WDR49: variants seen among roughly 807,000 people sequenced by gnomAD.
WDR49 encodes the protein cilia- and flagella-associated protein 337.
Under a neutral mutation model 119.5 loss-of-function variants are expected in WDR49, and 107 were observed. The observed-to-expected ratio is 0.90, with a 90% CI of 0.77 to 1.05. The LOEUF is 1.05. WDR49 is among the 50% of genes least tolerant of loss of function. The probability of loss-of-function intolerance (pLI) is 0.00; values close to 1 mark genes in which losing one functional copy is unlikely to be tolerated. For missense variants in WDR49, 1,240 were observed against 1,220.5 expected, an observed-to-expected ratio of 1.02 and a Z score of -0.24; for synonymous variants, 425 against 418.8, an observed-to-expected ratio of 1.01 and a Z score of -0.18.
At chr3:167,610,731 C>T (rs896250170) in intron 5 of WDR49, among the ~76,000 whole-genome samples, 1 of 152,150 alleles carries the variant, frequency 6.6e-6, no homozygotes, top group African/African-American at 2.4e-5. Flanking sequence ...AGGTCTTGAG[C>T]GAGACCCAGT....
intron 7 of WDR49, among the ~76,000 whole-genome samples, chr3:167,588,439 A>G (rs76924633): frequency 0.026 from 3,959 of 152,264 alleles, 164 homozygotes; most frequent in East Asian, 0.17. Flanking sequence ...TATACGATAT[A>G]CTGATTTCTT....
intron 8 of WDR49, among the ~76,000 whole-genome samples, chr3:167,574,255 C>T (rs572136647): frequency 1.3e-5 from 2 of 152,318 alleles, no homozygotes; most frequent in African/African-American, 4.8e-5. Flanking sequence ...ATCTCTAATT[C>T]TTCATTCTTG....
At chr3:167,500,361 T>C in intron 17 of WDR49, 62 bp from the exon 18 acceptor site, 1 of 1,564,072 alleles carries the variant, frequency 6.4e-7, no homozygotes. Flanking sequence ...CATTAACTCC[T>C]TGGAAAGAGC....
rs1577217846 is a variant in WDR49 at position 167,526,044 on chromosome 3, G to A, written c.2604+1776C>T. 1.3e-5 allele frequency among the ~76,000 whole-genome samples: 2 copies of A among 151,822 alleles called. 1 individual carries two copies. The highest frequency in any genetic ancestry group is 3.9e-4 in the East Asian group (2 of 5,148). ...AAATAAAAATTAAAAAAAAGAAGTAGTGCAAGCAGAAGGAACTAGAAAACC... is the reference window on the plus strand; with the variant it reads ...AAATAAAAATTAAAAAAAAGAAGTAATGCAAGCAGAAGGAACTAGAAAACC... On this transcript the variant is annotated intron_variant, in intron 15 of 18. Transcript: ENST00000682715.
At chr3:167,482,550 G>A (rs1750757124) in intron 18 of WDR49, among the ~76,000 whole-genome samples, 1 of 151,380 alleles carries the variant, frequency 6.6e-6, no homozygotes, top group African/African-American at 2.4e-5. Context: ...CTGGTGGTGG[G>A]CGCCTGTGGT....
At chr3:167,579,282 C>A (rs546753834) in intron 7 of WDR49, among the ~76,000 whole-genome samples, 30 of 152,068 alleles carry the variant, frequency 2.0e-4, no homozygotes, top group Non-Finnish European at 4.1e-4. Context: ...AAGATTGTGG[C>A]TCACTCTGTC....
At chr3:167,522,134 A>G (rs577521770) in intron 16 of WDR49, among the ~76,000 whole-genome samples, 181 bp downstream of exon 16, 1 of 151,982 alleles carries the variant, frequency 6.6e-6, no homozygotes, top group Non-Finnish European at 1.5e-5. Flanking sequence ...AATAAGAACC[A>G]AATATGGCCC....
chr3:167,557,614 G>T (rs970437338), intron 9 of WDR49, among the ~76,000 whole-genome samples: 1 of 151,826 alleles, frequency 6.6e-6, no homozygotes, highest in African/African-American at 2.4e-5. Flanking sequence ...TTAGCCGGGC[G>T]TGGTGGCAGG....
At chr3:167,579,911 T>C (rs907698484) in intron 7 of WDR49, among the ~76,000 whole-genome samples, 1 of 152,120 alleles carries the variant, frequency 6.6e-6, no homozygotes, top group Non-Finnish European at 1.5e-5. Context: ...ACTAACTTCA[T>C]GTCATAATAA....
At chr3:167,586,361 C>T (rs1333487324) in intron 7 of WDR49, among the ~76,000 whole-genome samples, 2 of 152,186 alleles carry the variant, frequency 1.3e-5, no homozygotes, top group African/African-American at 4.8e-5. Flanking sequence ...CAGTGACTGC[C>T]ATCTCAAGAG....
At chr3:167,479,344 T>A (rs974776140) in intron 18 of WDR49, among the ~76,000 whole-genome samples, 5 of 152,148 alleles carry the variant, frequency 3.3e-5, no homozygotes, top group African/African-American at 1.2e-4. Flanking sequence ...TTATTCTGTA[T>A]TGAAATAAGG....
chr3:167,595,697 AC>A (rs1273946898), intron 7 of WDR49, among the ~76,000 whole-genome samples: 5 of 152,166 alleles, frequency 3.3e-5, no homozygotes, highest in African/African-American at 1.2e-4. Flanking sequence ...TCCCTTCCTT[AC>A]ACCTTATACA....
chr3:167,564,996 T>G (rs181257659), intron 8 of WDR49, among the ~76,000 whole-genome samples: 1 of 152,250 alleles, frequency 6.6e-6, no homozygotes, highest in East Asian at 1.9e-4. Flanking sequence ...GTTTATAATT[T>G]TTTTTTGTTA....
chr3:167,495,691 T>C (rs1577196765), intron 18 of WDR49, among the ~76,000 whole-genome samples: 1 of 151,776 alleles, frequency 6.6e-6, no homozygotes, highest in African/African-American at 2.4e-5. Flanking sequence ...GATAAATTTC[T>C]ATGAACTCCA....
chr3:167,602,646 G>A (rs1373440909), intron 6 of WDR49, among the ~76,000 whole-genome samples: 3 of 152,140 alleles, frequency 2.0e-5, no homozygotes, highest in African/African-American at 7.2e-5. Flanking sequence ...AATGTAGGCA[G>A]TGTTAAAGTT....
intron 5 of WDR49, among the ~76,000 whole-genome samples, chr3:167,607,115 G>T (rs1006024479): frequency 6.6e-6 from 1 of 152,144 alleles, no homozygotes; most frequent in Non-Finnish European, 1.5e-5. Flanking sequence ...CTGGGTATGG[G>T]GTAGGACCAC....
chr3:167,594,699 G>A (rs906546822), intron 7 of WDR49, among the ~76,000 whole-genome samples: 17 of 152,062 alleles, frequency 1.1e-4, no homozygotes, highest in African/African-American at 3.9e-4. Flanking sequence ...AATAAAGTAG[G>A]TATTGATGGG....
At chr3:167,633,567 A>C (rs1460323003) in intron 2 of WDR49, 1 of 443,250 alleles carries the variant, frequency 2.3e-6, no homozygotes, top group African/African-American at 2.0e-5. Context: ...ACAGAAAGAA[A>C]GCAAAGATAA....
Position 167,626,466 on chromosome 3 carries a change from C to A in WDR49, c.606+386G>T, listed in dbSNP as rs1356096162. ...GATGTTTAGACTGAGTGGGCCCTAT[C>A]TATTAGAATGAAGACACTGACTAGC... On this transcript the variant is annotated intron_variant, in intron 3 of 18. Coordinates refer to ENST00000682715, the MANE Select transcript of WDR49 (RefSeq NM_001366157.1). Among the ~76,000 whole-genome samples, 8 of 152,110 alleles carry A rather than the reference C, an allele frequency of 5.3e-5. No individual in the cohort carries two copies. The East Asian group carries it at 1.2e-3, about 22-fold the overall frequency.
Sources: allele counts gnomAD v4.1 joint callset (sites outside exome capture counted in the v4.1 genomes callset), GRCh38; gene constraint gnomAD v4.1.1; transcripts MANE v1.5; gene names NCBI Gene and HGNC (gene_info 2026-07-23, HGNC 2026-07-21).